ROR1: variants seen among roughly 807,000 people sequenced by gnomAD.
ROR1 encodes the protein inactive tyrosine-protein kinase transmembrane receptor ROR1.
Under a neutral mutation model 78.8 loss-of-function variants are expected in ROR1, and 19 were observed. That is an observed-to-expected ratio of 0.24 (90% CI 0.17 to 0.35). The LOEUF is 0.35. Among genes scored for constraint, ROR1 ranks in the 10% least tolerant of loss-of-function variants. ROR1 has a pLI of 1.00. For synonymous variants in ROR1, 386 were observed against 433.6 expected (o/e 0.89, Z 1.36); for missense variants, 917 against 1,177.8 (o/e 0.78, Z 3.24).
chr1:63,973,184 G>T (rs1646132200), intron 1 of ROR1, among the ~76,000 whole-genome samples: 1 of 152,212 alleles, frequency 6.6e-6, no homozygotes, highest in Non-Finnish European at 1.5e-5. Flanking sequence ...CAGGGGTGGT[G>T]ACTGCCCTGT....
At position 64,049,869 on chromosome 1, in the gene ROR1, T is replaced by A. The variant is rs751399052; in HGVS notation, c.342T>A (p.Ser114=). 5 of 1,614,234 alleles carry A rather than the reference T, an allele frequency of 3.1e-6. No homozygotes were observed. In the East Asian group the frequency reaches 8.9e-5, roughly 29 times the overall value. The change falls in exon 3 of 9, where the codon TCT becomes TCA. Residue 114 remains serine, a synonymous_variant. Transcript: ENST00000371079. Reference sequence around the variant, plus strand: ...CCTTTCGGTCCACCATCTATGGCTCTCGGCTGCGGATTAGAAACCTCGACA... The same window carrying A: ...CCTTTCGGTCCACCATCTATGGCTCACGGCTGCGGATTAGAAACCTCGACA... ...RLSFRSTIYG[S]RLRIRNLDTT...
intron 4 of ROR1, among the ~76,000 whole-genome samples, chr1:64,086,457 C>T (rs911387558): frequency 6.6e-6 from 1 of 152,254 alleles, no homozygotes; most frequent in South Asian, 2.1e-4. Flanking sequence ...CTGGACACAA[C>T]TGACAATGTT....
chr1:64,060,566 A>T (rs565358166), intron 4 of ROR1, among the ~76,000 whole-genome samples: 1 of 152,306 alleles, frequency 6.6e-6, no homozygotes, highest in African/African-American at 2.4e-5. Flanking sequence ...ATAATGTAAT[A>T]TCCAACCCAA....
intron 8 of ROR1, among the ~76,000 whole-genome samples, chr1:64,174,148 T>C (rs1384758755): frequency 6.6e-6 from 1 of 152,190 alleles, no homozygotes; most frequent in Non-Finnish European, 1.5e-5. Context: ...AGGGCACTTA[T>C]TAGGTGGGAA....
At chr1:63,999,800 A>C (rs1646368087) in intron 1 of ROR1, among the ~76,000 whole-genome samples, 1 of 152,222 alleles carries the variant, frequency 6.6e-6, no homozygotes, top group South Asian at 2.1e-4. Context: ...ATAGTTTTCT[A>C]AACTGTCTGC....
At chr1:64,176,806 T>A (rs1650394029) in intron 8 of ROR1, among the ~76,000 whole-genome samples, 1 of 152,248 alleles carries the variant, frequency 6.6e-6, no homozygotes, top group African/African-American at 2.4e-5. Context: ...TTTGTTTTGG[T>A]TTCTCTTTTA....
At chr1:63,837,154 A>G (rs925765378) in intron 1 of ROR1, among the ~76,000 whole-genome samples, 8 of 152,346 alleles carry the variant, frequency 5.3e-5, no homozygotes, top group Admixed American at 4.6e-4. Context: ...TGAGAGCCAC[A>G]TGACAAGTGT....
At chr1:63,963,181 T>A (rs1330358330) in intron 1 of ROR1, among the ~76,000 whole-genome samples, 1 of 152,218 alleles carries the variant, frequency 6.6e-6, no homozygotes, top group Non-Finnish European at 1.5e-5. Flanking sequence ...ACAAGTGCTT[T>A]AATTAATAAA....
chr1:64,050,965 T>C (rs1646823759), intron 4 of ROR1, among the ~76,000 whole-genome samples: 1 of 152,166 alleles, frequency 6.6e-6, no homozygotes. Flanking sequence ...ATTTACTGTT[T>C]TAGAAGGAAT....
intron 4 of ROR1, among the ~76,000 whole-genome samples, chr1:64,067,444 CAA>C (rs58105318): frequency 5.2e-5 from 3 of 57,474 alleles, no homozygotes; most frequent in African/African-American, 5.9e-5. Flanking sequence ...GCCTCCGTCT[CAA>C]AAAAAAAAAA....
rs1417074558 is a variant in ROR1 at position 63,944,557 on chromosome 1, G to T, written c.92-64748G>T. Among the ~76,000 whole-genome samples, 4 of 152,140 alleles carry T rather than the reference G, an allele frequency of 2.6e-5. No individual in the cohort carries two copies. In the East Asian group the frequency reaches 7.7e-4, roughly 29 times the overall value. On this transcript the variant is annotated intron_variant, in intron 1 of 8. Transcript: ENST00000371079. ...TCAAATGGTTTGATTTACTTAAGTG[G>T]TCTATTTCGTTATTCCAGTAAGGAG...
chr1:63,785,860 C>T (rs1644681816), intron 1 of ROR1, among the ~76,000 whole-genome samples: 1 of 152,114 alleles, frequency 6.6e-6, no homozygotes, highest in Admixed American at 6.6e-5. Flanking sequence ...GTTCTTAATC[C>T]ACCAGTGATT....
chr1:64,133,515 C>T (rs1196974239), intron 4 of ROR1, among the ~76,000 whole-genome samples: 1 of 152,186 alleles, frequency 6.6e-6, no homozygotes, highest in Non-Finnish European at 1.5e-5. Flanking sequence ...TTACAGACCA[C>T]ATTTGCGTTT....
intron 1 of ROR1, among the ~76,000 whole-genome samples, chr1:63,935,503 C>T (rs1320787270): frequency 1.3e-5 from 2 of 151,982 alleles, no homozygotes; most frequent in Non-Finnish European, 2.9e-5. Context: ...AACGGAAACC[C>T]CAAAAAGTTA....
At chr1:63,909,578 G>T (rs72930813) in intron 1 of ROR1, among the ~76,000 whole-genome samples, 4,478 of 152,208 alleles carry the variant, frequency 0.029, 233 homozygotes, top group African/African-American at 0.1. Flanking sequence ...AAGACTCTCA[G>T]ACAGAAACCT....
intron 1 of ROR1, among the ~76,000 whole-genome samples, chr1:63,790,468 T>C (rs1442604133): frequency 6.6e-6 from 1 of 152,198 alleles, no homozygotes; most frequent in African/African-American, 2.4e-5. Flanking sequence ...AGGAGAGCAA[T>C]GGGCAGCTCC....
chr1:64,089,360 C>A (rs556861863), intron 4 of ROR1, among the ~76,000 whole-genome samples: 2 of 152,118 alleles, frequency 1.3e-5, no homozygotes, highest in Non-Finnish European at 2.9e-5. Flanking sequence ...CAGGCACATG[C>A]CACAATGCCC....
rs145895763 is a variant in ROR1 at position 64,146,075 on chromosome 1, A to C, written c.1174+3425A>C. 1.2e-4 allele frequency among the ~76,000 whole-genome samples: 19 copies of C among 152,332 alleles called. No homozygotes were observed. The East Asian group carries it at 3.3e-3, about 26-fold the overall frequency. On this transcript the variant is annotated intron_variant, in intron 7 of 8. Transcript: ENST00000371079. ...GAGACAGGATCTTGCTACGTTGCCCAGGCTGGTCTCTAACTCCTGGGCCCA... is the reference window on the plus strand; with the variant it reads ...GAGACAGGATCTTGCTACGTTGCCCCGGCTGGTCTCTAACTCCTGGGCCCA...
At chr1:64,126,091 C>A (rs1044381380) in intron 4 of ROR1, among the ~76,000 whole-genome samples, 1 of 152,106 alleles carries the variant, frequency 6.6e-6, no homozygotes, top group Admixed American at 6.5e-5. Context: ...GGAGATAAGA[C>A]TGAACCGAAA....
Sources: gnomAD v4.1 joint callset for allele counts (sites outside exome capture counted in the v4.1 genomes callset) on GRCh38, gnomAD v4.1.1 for gene constraint, MANE v1.5 for transcripts, NCBI Gene and HGNC (gene_info 2026-07-23, HGNC 2026-07-21) for gene names.